Variants in DENND5A observed in about 807,000 individuals in gnomAD.
DENND5A encodes DENN domain-containing protein 5A.
DENND5A carries 64 observed loss-of-function variants against 140.3 expected under a neutral mutation model. That is an observed-to-expected ratio of 0.46 (90% CI 0.37 to 0.56). The LOEUF is 0.56. Among genes scored for constraint, DENND5A ranks in the 20% least tolerant of loss-of-function variants. The pLI is 0.00. For synonymous variants in DENND5A, 605 were observed against 607.7 expected (o/e 1.00, Z 0.07); for missense variants, 1,292 against 1,593.8 (o/e 0.81, Z 3.22).
Position 9,234,579 on chromosome 11 carries a change from C to G in DENND5A, c.110-26947G>C, listed in dbSNP as rs61877906. On this transcript the variant is annotated intron_variant, in intron 1 of 22. Transcript: ENST00000328194. ...GGCCATAAACAAAATCTCTGCAGCA[C>G]TGTGACATGTTCGCGATGGCCCTGA... Among the ~76,000 whole-genome samples the G allele has an allele frequency of 6.8e-3, 1,035 of 152,336 alleles. 5 individuals carry two copies. The highest frequency in any genetic ancestry group is 0.02 in the Middle Eastern group (6 of 294).
At chr11:9,173,880 G>A (rs933209078) in intron 8 of DENND5A, among the ~76,000 whole-genome samples, 9 of 151,942 alleles carry the variant, frequency 5.9e-5, no homozygotes, top group Admixed American at 4.6e-4. Context: ...CGAGGCGGGC[G>A]GATCACGAGG....
rs1277940562 is a variant in DENND5A, at chr11:9,166,110, T to C, written c.2152-143A>G. 1.3e-5 allele frequency: 9 copies of C among 687,718 alleles called. No individual in the cohort carries two copies. In the East Asian group the frequency reaches 3.0e-4, roughly 23 times the overall value. 42.6% of individuals were successfully genotyped at this position (687,718 alleles called of 1,614,324 possible). Reference sequence around the variant, plus strand: ...TTCTTTTTTTTTTTGAGACGAATCTTGCTCTGTCGCCAGGCTGGAGTGCAG... The same window carrying C: ...TTCTTTTTTTTTTTGAGACGAATCTCGCTCTGTCGCCAGGCTGGAGTGCAG... On this transcript the variant is annotated intron_variant, in intron 10 of 22. Coordinates refer to ENST00000328194, the MANE Select transcript of DENND5A (RefSeq NM_015213.4).
intron 1 of DENND5A, among the ~76,000 whole-genome samples, chr11:9,222,939 T>C (rs557544451): frequency 1.3e-5 from 2 of 152,372 alleles, no homozygotes; most frequent in African/African-American, 4.8e-5. Flanking sequence ...AGCTATTAAC[T>C]GCTAAATCAC....
At position 9,180,883 on chromosome 11, in the gene DENND5A, T is replaced by C. The variant is rs1297853452; in HGVS notation, c.1339A>G (p.Lys447Glu). The C allele has an allele frequency of 6.2e-6, 10 of 1,614,200 alleles. No individual in the cohort carries two copies. In the South Asian group the frequency reaches 9.9e-5, roughly 16 times the overall value. The change falls in exon 6 of 23, where the codon AAG becomes GAG. Residue 447 changes from lysine to glutamate, a missense_variant. This residue lies in a region of DENND5A where 566 missense variants were observed against 650.4 expected (regional missense o/e 0.87). Coordinates refer to ENST00000328194, the MANE Select transcript of DENND5A (RefSeq NM_015213.4). ...GAGCCAGCAATGTTCCCATTCCTCT[T>C]GTCCGAGACAAGCTCAGAGGCCCGC... ...RLRASELVSD[K>E]RNGNIAGSPL...
intron 4 of DENND5A, among the ~76,000 whole-genome samples, chr11:9,199,545 T>C (rs1158950387): frequency 6.6e-6 from 1 of 152,158 alleles, no homozygotes; most frequent in Non-Finnish European, 1.5e-5. Context: ...AATTATGCTA[T>C]TAAAAAAACA....
chr11:9,252,056 T>G (rs1348584561), intron 1 of DENND5A, among the ~76,000 whole-genome samples: 1 of 149,452 alleles, frequency 6.7e-6, no homozygotes, highest in South Asian at 2.1e-4. Flanking sequence ...TCTCAGCACT[T>G]TGGGAGGCCG....
chr11:9,161,929 TTATATA>T (rs376177231), intron 11 of DENND5A, among the ~76,000 whole-genome samples: 2 of 148,586 alleles, frequency 1.3e-5, no homozygotes, highest in Admixed American at 6.7e-5. Flanking sequence ...CTCTATTAAA[TTATATA>T]TATATATATA....
In DENND5A at chr11:9,145,254, G is replaced by T. The variant is rs1372703901; in HGVS notation, c.3004-141C>A. On this transcript the variant is annotated intron_variant, in intron 17 of 22. Coordinates refer to ENST00000328194, the MANE Select transcript of DENND5A (RefSeq NM_015213.4). ...CTTAGAGGTCATGGCTCTACATACC[G>T]CCAGAACTGCGGTACAGCACTATCT... 4 of 669,966 alleles carry T rather than the reference G, an allele frequency of 6.0e-6. No homozygotes were observed. In the African/African-American group the frequency reaches 7.2e-5, roughly 12 times the overall value. The allele number at this position is 669,966 out of a possible 1,614,324, so 41.5% of individuals were successfully genotyped here. A position where few individuals can be genotyped will look rare whatever the true frequency, so the allele number is the denominator to read the frequency against.
At chr11:9,247,383 T>C (rs7395754) in intron 1 of DENND5A, among the ~76,000 whole-genome samples, 8,902 of 151,970 alleles carry the variant, frequency 0.059, 361 homozygotes, top group South Asian at 0.1. Context: ...TCTACTGCAC[T>C]GGGCAAGCAG....
At chr11:9,140,542 A>G (rs1301844555) in intron 22 of DENND5A, among the ~76,000 whole-genome samples, 1 of 152,196 alleles carries the variant, frequency 6.6e-6, no homozygotes, top group Admixed American at 6.5e-5. Flanking sequence ...CCATAATATC[A>G]GATTAATATT....
intron 1 of DENND5A, among the ~76,000 whole-genome samples, chr11:9,247,602 T>C (rs1851533275): frequency 6.6e-6 from 1 of 152,178 alleles, no homozygotes; most frequent in Admixed American, 6.6e-5. Context: ...AAGAGATTTA[T>C]TTTGAATCAA....
chr11:9,245,015 T>C (rs1431072098), intron 1 of DENND5A, among the ~76,000 whole-genome samples: 2 of 146,218 alleles, frequency 1.4e-5, no homozygotes, highest in African/African-American at 5.0e-5. Context: ...CCGGGTGCGG[T>C]GGCTCATGCC....
At chr11:9,150,308 A>C (rs2136123065) in intron 14 of DENND5A, 99 bp from the exon 15 acceptor site, 1 of 1,395,834 alleles carries the variant, frequency 7.2e-7, no homozygotes, top group South Asian at 1.3e-5. Context: ...GCTGAGACAG[A>C]CTTATCTCAC....
chr11:9,240,392 G>A (rs572492000), intron 1 of DENND5A, among the ~76,000 whole-genome samples: 81 of 152,058 alleles, frequency 5.3e-4, no homozygotes, highest in African/African-American at 1.8e-3. Context: ...TGAAAACTCC[G>A]TCTCAAAAAC....
intron 1 of DENND5A, among the ~76,000 whole-genome samples, chr11:9,223,733 C>G (rs1397403148): frequency 1.3e-5 from 2 of 152,050 alleles, no homozygotes; most frequent in Non-Finnish European, 2.9e-5. Flanking sequence ...AGCGTAACAT[C>G]TGACAGTGGT....
At chr11:9,183,315 A>T (rs1173707064) in intron 5 of DENND5A, among the ~76,000 whole-genome samples, 1 of 152,266 alleles carries the variant, frequency 6.6e-6, no homozygotes, top group African/African-American at 2.4e-5. Flanking sequence ...ATAACAATAA[A>T]TGTCAAGGAT....
In DENND5A at chr11:9,213,001, A is replaced by ATTT. The variant is rs71062814; in HGVS notation, c.110-5372_110-5370dup. On this transcript the variant is annotated intron_variant, in intron 1 of 22. Coordinates refer to ENST00000328194, the MANE Select transcript of DENND5A (RefSeq NM_015213.4). ...TATCAATGTCAAGTTCCTGGTTCTG[A>ATTT]TTTTTTTTTTTTTTTTTTTGAGACA... 9.2e-3 allele frequency among the ~76,000 whole-genome samples: 1,166 copies of ATTT among 126,238 alleles called. 28 individuals carry two copies. The highest frequency in any genetic ancestry group is 0.026 in the African/African-American group (848 of 33,128). The allele number at this position is 126,238 out of a possible 152,430, so 82.8% of individuals were successfully genotyped here.
rs567653871 is a variant in DENND5A at position 9,163,588 on chromosome 11, G to C, written c.2283+2248C>G. On this transcript the variant is annotated intron_variant, in intron 11 of 22. Transcript: ENST00000328194. Reference sequence around the variant, plus strand: ...GGAGGCCGAGGCAGACAGATCACTTGAGGTCAGGAGTTCAATACCAGCCTG... The same window carrying C: ...GGAGGCCGAGGCAGACAGATCACTTCAGGTCAGGAGTTCAATACCAGCCTG... Among the ~76,000 whole-genome samples the C allele has an allele frequency of 5.9e-5, 9 of 152,132 alleles. No homozygotes were observed. In the South Asian group the frequency reaches 1.9e-3, roughly 32 times the overall value.
chr11:9,143,858 C>T (rs544845464), intron 19 of DENND5A, among the ~76,000 whole-genome samples: 62 of 152,286 alleles, frequency 4.1e-4, no homozygotes, highest in Non-Finnish European at 4.7e-4. Flanking sequence ...ATATATACAG[C>T]GCCCAGGTTT....
Sources: gnomAD v4.1 joint callset for allele counts (sites outside exome capture counted in the v4.1 genomes callset) on GRCh38, gnomAD v4.1.1 for gene constraint, gnomAD v4.1.1 regional missense constraint, MANE v1.5 for transcripts, NCBI Gene and HGNC (gene_info 2026-07-23, HGNC 2026-07-21) for gene names.